The following OXCT1 variants were observed in gnomAD, a reference collection of about 807,000 sequenced individuals.
OXCT1 encodes succinyl-CoA:3-ketoacid coenzyme A transferase 1, mitochondrial.
A neutral mutation model predicts 69.6 loss-of-function variants in OXCT1; 27 were observed. The observed-to-expected ratio is 0.39, with a 90% CI of 0.29 to 0.54. The LOEUF is 0.54. Ranked by LOEUF, OXCT1 falls within the 20% of genes least tolerant of loss-of-function variation. The pLI, the probability that OXCT1 is intolerant of heterozygous loss-of-function variation, is 0.72. For missense variants in OXCT1, 437 were observed against 650.2 expected (o/e 0.67, Z 3.57); for synonymous variants, 202 against 217.8 (o/e 0.93, Z 0.64).
intron 15 of OXCT1, 117 bp downstream of exon 15, chr5:41,749,410 C>T: frequency 1.5e-6 from 1 of 668,622 alleles, no homozygotes. Flanking sequence ...CCTATTCGTT[C>T]TGCCCACAGA....
intron 5 of OXCT1, among the ~76,000 whole-genome samples, chr5:41,849,706 A>G (rs890919117): frequency 6.6e-6 from 1 of 152,216 alleles, no homozygotes; most frequent in African/African-American, 2.4e-5. Flanking sequence ...CAACTACTTT[A>G]TTTTCCATAT....
At chr5:41,836,816 G>C (rs1579843448) in intron 7 of OXCT1, among the ~76,000 whole-genome samples, 1 of 152,270 alleles carries the variant, frequency 6.6e-6, no homozygotes, top group Middle Eastern at 3.4e-3. Flanking sequence ...CAGACCATGG[G>C]CCAGTACAGG....
At chr5:41,794,620 C>T (rs1013081883) in intron 12 of OXCT1, 57 bp downstream of exon 12, 7 of 1,491,162 alleles carry the variant, frequency 4.7e-6, no homozygotes, top group East Asian at 2.3e-5. Flanking sequence ...CACACTCAGA[C>T]GATGACTCAG....
At chr5:41,796,935 C>T (rs111475548) in intron 11 of OXCT1, among the ~76,000 whole-genome samples, 98 of 152,252 alleles carry the variant, frequency 6.4e-4, no homozygotes, top group African/African-American at 2.1e-3. Flanking sequence ...TGCCACAGGA[C>T]CAAGCAATTG....
chr5:41,748,288 G>A (rs555587975), intron 15 of OXCT1, among the ~76,000 whole-genome samples: 1 of 152,030 alleles, frequency 6.6e-6, no homozygotes, highest in East Asian at 1.9e-4. Context: ...TAGAAGAACT[G>A]AACTGGTAAG....
chr5:41,790,107 C>A (rs942957113), intron 13 of OXCT1, among the ~76,000 whole-genome samples: 1 of 152,114 alleles, frequency 6.6e-6, no homozygotes, highest in African/African-American at 2.4e-5. Flanking sequence ...CATAAGAATG[C>A]CTCATTCAAT....
chr5:41,832,435 G>A (rs1748144138), intron 7 of OXCT1, among the ~76,000 whole-genome samples: 1 of 152,012 alleles, frequency 6.6e-6, no homozygotes, highest in Non-Finnish European at 1.5e-5. Flanking sequence ...AAATTCTTCT[G>A]GATATTATCT....
At position 41,731,254 on chromosome 5, in the gene OXCT1, T is replaced by A; in HGVS notation, c.*475A>T. The A allele has an allele frequency of 2.7e-6, 1 of 372,878 alleles. No individual in the cohort carries two copies. Among genetic ancestry groups the A allele is most frequent in the Non-Finnish European group, 3.8e-6 (1 of 263,910 alleles). 23.1% of individuals were successfully genotyped at this position (372,878 alleles called of 1,614,324 possible). A position where few individuals can be genotyped will look rare whatever the true frequency, so the allele number is the denominator to read the frequency against. ...AGGGGGATGTTCTAGGGGGACAAGA[T>A]GTAATCATAAAATCTGAAGCCCCAA... On this transcript the variant is annotated 3_prime_UTR_variant, in exon 17 of 17. Coordinates refer to ENST00000196371, the MANE Select transcript of OXCT1 (RefSeq NM_000436.4).
At chr5:41,858,090 T>C (rs190692528) in intron 3 of OXCT1, among the ~76,000 whole-genome samples, 115 of 152,286 alleles carry the variant, frequency 7.6e-4, no homozygotes, top group African/African-American at 2.8e-3. Flanking sequence ...CTGAGAATCA[T>C]TGTTTATATG....
intron 3 of OXCT1, among the ~76,000 whole-genome samples, chr5:41,854,643 CTTTTAATGGCGAAATATT>C (rs1245024156): frequency 6.6e-6 from 1 of 151,574 alleles, no homozygotes; most frequent in Non-Finnish European, 1.5e-5. Flanking sequence ...GGCGAAATAT[CTTTTAATGGCGAAATATT>C]TTTTAATGGT....
At chr5:41,831,218 A>C (rs1408526753) in intron 7 of OXCT1, among the ~76,000 whole-genome samples, 1 of 152,196 alleles carries the variant, frequency 6.6e-6, no homozygotes, top group African/African-American at 2.4e-5. Context: ...CAATGAAAAA[A>C]GTTTGTCATC....
intron 3 of OXCT1, among the ~76,000 whole-genome samples, chr5:41,856,253 G>C (rs1749424586): frequency 6.6e-6 from 1 of 152,174 alleles, no homozygotes; most frequent in Admixed American, 6.5e-5. Context: ...GAAATCAAGA[G>C]GGTCTTTGGG....
intron 13 of OXCT1, among the ~76,000 whole-genome samples, chr5:41,778,625 G>C (rs1745239447): frequency 6.6e-6 from 1 of 152,174 alleles, no homozygotes; most frequent in Non-Finnish European, 1.5e-5. Context: ...CTGTTCCAAT[G>C]CTGATACCCA....
At chr5:41,774,926 T>A (rs1745051430) in intron 13 of OXCT1, among the ~76,000 whole-genome samples, 1 of 151,884 alleles carries the variant, frequency 6.6e-6, no homozygotes, top group South Asian at 2.1e-4. Flanking sequence ...AGTGAATAAA[T>A]AAATAACATA....
intron 13 of OXCT1, among the ~76,000 whole-genome samples, chr5:41,786,545 G>GT (rs969291382): frequency 1.3e-5 from 2 of 152,156 alleles, no homozygotes; most frequent in African/African-American, 4.8e-5. Flanking sequence ...ATTTTTCACT[G>GT]TTTTGGAATG....
At chr5:41,737,442 G>A (rs906493025) in intron 16 of OXCT1, among the ~76,000 whole-genome samples, 2 of 144,950 alleles carry the variant, frequency 1.4e-5, no homozygotes, top group African/African-American at 5.0e-5. Context: ...CTCTTTTGCT[G>A]CAAAAAAAAA....
chr5:41,793,228 A>G (rs955462638), intron 13 of OXCT1, among the ~76,000 whole-genome samples: 2 of 152,242 alleles, frequency 1.3e-5, no homozygotes, highest in African/African-American at 2.4e-5. Flanking sequence ...GATTCTTCTT[A>G]GCTTGTTCTA....
intron 7 of OXCT1, among the ~76,000 whole-genome samples, chr5:41,827,661 G>A (rs1358497759): frequency 1.3e-5 from 2 of 152,156 alleles, no homozygotes; most frequent in Admixed American, 1.3e-4. Context: ...ATCCTTTTCT[G>A]CTGCTTAAGA....
intron 14 of OXCT1, among the ~76,000 whole-genome samples, chr5:41,759,058 C>A (rs1378406131): frequency 2.0e-5 from 3 of 150,400 alleles, no homozygotes; most frequent in Non-Finnish European, 3.0e-5. Context: ...GTAAGTCTCA[C>A]CTAAGCAAAG....
Sources: allele counts gnomAD v4.1 joint callset (sites outside exome capture counted in the v4.1 genomes callset), GRCh38; gene constraint gnomAD v4.1.1; transcripts MANE v1.5; gene names NCBI Gene and HGNC (gene_info 2026-07-23, HGNC 2026-07-21).